The following RNF217 variants were observed in gnomAD, a reference collection of about 807,000 sequenced individuals.
RNF217 encodes E3 ubiquitin-protein ligase RNF217.
In RNF217, 31 loss-of-function variants were observed where a neutral mutation model predicts 57.8. The ratio of observed to expected loss-of-function variants is 0.54; its 90% CI spans 0.40 to 0.72. The LOEUF is 0.72. RNF217 is among the 30% of genes least tolerant of loss of function. The probability of loss-of-function intolerance (pLI) is 0.00; values close to 1 mark genes in which losing one functional copy is unlikely to be tolerated. For synonymous variants in RNF217, 313 were observed against 294.0 expected (o/e 1.06, Z -0.66); for missense variants, 696 against 708.3 (o/e 0.98, Z 0.20).
chr6:125,018,973 G>A (rs891546964), intron 1 of RNF217, among the ~76,000 whole-genome samples: 5 of 152,120 alleles, frequency 3.3e-5, no homozygotes, highest in Admixed American at 6.5e-5. Flanking sequence ...ACACCTCCAG[G>A]CATAAAACTT....
intron 1 of RNF217, chr6:125,009,401 T>C: frequency 3.1e-6 from 2 of 640,360 alleles, no homozygotes. Context: ...GTAGATTTTT[T>C]CACTTTCCTT....
rs80194656 is a variant in RNF217, at chr6:124,978,512, C to G, written c.882+15086C>G. ...GAGCCCCAAGGGGGGTTACAGTTCT[C>G]GCTTGTGGAGTCCCAAGGTCTGAGT... On this transcript the variant is annotated intron_variant, in intron 1 of 5. Transcript: ENST00000521654. 9.1e-3 allele frequency among the ~76,000 whole-genome samples: 1,388 copies of G among 151,932 alleles called. 18 individuals carry two copies. Among genetic ancestry groups the G allele is most frequent in the African/African-American group, 0.032 (1,329 of 41,418 alleles).
chr6:124,979,943 C>G (rs1784100912), intron 1 of RNF217, among the ~76,000 whole-genome samples: 1 of 152,092 alleles, frequency 6.6e-6, no homozygotes, highest in Non-Finnish European at 1.5e-5. Flanking sequence ...TGGATCTTTG[C>G]CTTTAAAAAG....
intron 1 of RNF217, among the ~76,000 whole-genome samples, chr6:125,042,324 A>T (rs1478211695): frequency 6.6e-6 from 1 of 152,108 alleles, no homozygotes. Context: ...CTCAACAGAC[A>T]CTTTAAGAGA....
At chr6:125,049,756 T>TG (rs1364336795) in intron 2 of RNF217, among the ~76,000 whole-genome samples, 11 of 151,746 alleles carry the variant, frequency 7.2e-5, no homozygotes, top group African/African-American at 2.7e-4. Context: ...GAGAAGGGCA[T>TG]GGGGGAGTAA....
intron 1 of RNF217, among the ~76,000 whole-genome samples, chr6:124,992,241 A>G (rs1004251661): frequency 6.6e-6 from 1 of 152,178 alleles, no homozygotes; most frequent in Non-Finnish European, 1.5e-5. Context: ...ACATGTATTC[A>G]TTTTTACCGC....
Position 125,089,076 on chromosome 6 carries a change from T to C in RNF217, c.*6139T>C, listed in dbSNP as rs1038878721. The C allele has an allele frequency of 2.0e-5, 3 of 152,584 alleles. No individual in the cohort carries two copies. The highest frequency in any genetic ancestry group is 2.0e-4 in the Admixed American group (3 of 15,278). The allele number at this position is 152,584 out of a possible 1,614,324, so 9.5% of individuals were successfully genotyped here. ...GCTCTGGTAGTGAGCATAATTTACCTTGGCTTATTTTATTTGTAAATGGAA... is the reference window on the plus strand; with the variant it reads ...GCTCTGGTAGTGAGCATAATTTACCCTGGCTTATTTTATTTGTAAATGGAA... On this transcript the variant is annotated 3_prime_UTR_variant, in exon 6 of 6. Coordinates refer to ENST00000521654, the MANE Select transcript of RNF217 (RefSeq NM_001286398.3).
chr6:125,014,177 A>G (rs1785521417), intron 1 of RNF217, among the ~76,000 whole-genome samples: 1 of 152,122 alleles, frequency 6.6e-6, no homozygotes, highest in South Asian at 2.1e-4. Context: ...TCATTAACTA[A>G]ATCAAGTGAT....
At position 124,962,565 on chromosome 6, in the gene RNF217, G is replaced by C. The variant is rs545128331; in HGVS notation, c.21G>C (p.Thr7=). ...CGGCGATGGGCGAGGAGCAGAGCAC[G>C]GTGAGCGGCGGCGGCGGGCCCCAGG... MGEEQS[T]VSGGGGPQES... Residue 7 remains threonine (T), a synonymous_variant, in exon 1 of 6, where the codon ACG becomes ACC. Coordinates refer to ENST00000521654, the MANE Select transcript of RNF217 (RefSeq NM_001286398.3). This position sits in a 1 kb window ranked among gnomAD's most constrained non-coding sequence, Gnocchi z 4.6. 53 of 1,255,840 alleles carry C rather than the reference G, an allele frequency of 4.2e-5. No individual in the cohort carries two copies. In the African/African-American group the frequency reaches 6.0e-4, roughly 14 times the overall value. 77.8% of individuals were successfully genotyped at this position (1,255,840 alleles called of 1,614,324 possible). A position where few individuals can be genotyped will look rare whatever the true frequency, so the allele number is the denominator to read the frequency against.
intron 1 of RNF217, among the ~76,000 whole-genome samples, chr6:125,010,621 C>A (rs146454602): frequency 6.6e-6 from 1 of 152,078 alleles, no homozygotes; most frequent in Non-Finnish European, 1.5e-5. Context: ...AAAAATAGTT[C>A]GTTGTGTTAA....
At chr6:124,969,121 C>T (rs2114984624) in intron 1 of RNF217, among the ~76,000 whole-genome samples, 1 of 152,210 alleles carries the variant, frequency 6.6e-6, no homozygotes, top group East Asian at 1.9e-4. Flanking sequence ...TCTGGGACAC[C>T]AGCTAACTTT....
intron 1 of RNF217, among the ~76,000 whole-genome samples, chr6:124,978,981 G>A (rs1053898762): frequency 6.6e-6 from 1 of 152,156 alleles, no homozygotes; most frequent in African/African-American, 2.4e-5. Context: ...ATTGGTCCAT[G>A]GGTGGTCTTT....
At chr6:124,998,627 A>G (rs576694352) in intron 1 of RNF217, among the ~76,000 whole-genome samples, 12 of 152,168 alleles carry the variant, frequency 7.9e-5, no homozygotes, top group African/African-American at 1.7e-4. Context: ...ATGAAACCCC[A>G]TCTCTAACTA....
rs913327557 is a variant in RNF217, at chr6:125,089,307, T to C, written c.*6370T>C. The C allele has an allele frequency of 1.4e-4, 22 of 152,204 alleles. No homozygotes were observed. The highest frequency in any genetic ancestry group is 4.8e-4 in the African/African-American group (20 of 41,448). 9.4% of individuals were successfully genotyped at this position (152,204 alleles called of 1,614,324 possible). ...TTGCGTATTAGTTGGACAGAAAGCA[T>C]GTGTGGACATTCATCCAACCTGACC... On this transcript the variant is annotated 3_prime_UTR_variant, in exon 6 of 6. Coordinates refer to ENST00000521654, the MANE Select transcript of RNF217 (RefSeq NM_001286398.3).
At chr6:125,022,143 A>G (rs750464920) in intron 1 of RNF217, among the ~76,000 whole-genome samples, 6 of 152,138 alleles carry the variant, frequency 3.9e-5, no homozygotes, top group Admixed American at 6.5e-5. Flanking sequence ...TGGCCTCCCA[A>G]AGTGCTGGGA....
intron 2 of RNF217, among the ~76,000 whole-genome samples, chr6:125,049,886 G>A (rs984487332): frequency 6.6e-6 from 1 of 151,844 alleles, no homozygotes; most frequent in African/African-American, 2.4e-5. Context: ...AATTAGTTCA[G>A]TTTGAAATAT....
At chr6:125,038,760 T>C (rs1786754628) in intron 1 of RNF217, among the ~76,000 whole-genome samples, 1 of 152,176 alleles carries the variant, frequency 6.6e-6, no homozygotes, top group South Asian at 2.1e-4. Flanking sequence ...TACTATGGAC[T>C]TTTTCTATCA....
At chr6:125,049,774 T>TAACA (rs2078186878) in intron 2 of RNF217, among the ~76,000 whole-genome samples, 1 of 151,618 alleles carries the variant, frequency 6.6e-6, no homozygotes, top group Non-Finnish European at 1.5e-5. Flanking sequence ...TAAAAAAGAA[T>TAACA]ATAGTTGAAA....
At chr6:125,056,468 AG>A (rs1447336103) in intron 2 of RNF217, among the ~76,000 whole-genome samples, 3 of 152,220 alleles carry the variant, frequency 2.0e-5, no homozygotes, top group Non-Finnish European at 4.4e-5. Flanking sequence ...TTTTATATAA[AG>A]TTAATAACAA....
Sources: allele counts gnomAD v4.1 joint callset (sites outside exome capture counted in the v4.1 genomes callset), GRCh38; gene constraint gnomAD v4.1.1; non-coding constraint Gnocchi (gnomAD v3.1); transcripts MANE v1.5; gene names NCBI Gene and HGNC (gene_info 2026-07-23, HGNC 2026-07-21).